FGF2: variants seen among roughly 807,000 people sequenced by gnomAD.
FGF2 encodes fibroblast growth factor 2, also known as basic fibroblast growth factor bFGF.
Under a neutral mutation model 15.9 loss-of-function variants are expected in FGF2, and 13 were observed. The ratio of observed to expected loss-of-function variants is 0.82; its 90% CI spans 0.53 to 1.30. The LOEUF is 1.30. Ranked by LOEUF, FGF2 falls within the 50% of genes most tolerant of loss-of-function variation. The probability of loss-of-function intolerance (pLI) is 0.00; values close to 1 mark genes in which losing one functional copy is unlikely to be tolerated. For missense variants in FGF2, 163 were observed against 196.9 expected, an observed-to-expected ratio of 0.83 and a Z score of 1.03; for synonymous variants, 90 against 78.4, an observed-to-expected ratio of 1.15 and a Z score of -0.78.
intron 1 of FGF2, among the ~76,000 whole-genome samples, chr4:122,872,808 T>C (rs1279258025): frequency 6.6e-6 from 1 of 152,104 alleles, no homozygotes; most frequent in Non-Finnish European, 1.5e-5. Context: ...TAAAATCCTT[T>C]CCAGACAAGC....
chr4:122,888,804 G>T (rs80252333), intron 2 of FGF2: 1 of 151,954 alleles, frequency 6.6e-6, no homozygotes, highest in Admixed American at 6.6e-5. Context: ...CCCTGTTCAG[G>T]TTTACATTTT....
intron 2 of FGF2, among the ~76,000 whole-genome samples, chr4:122,891,716 T>TAACA (rs1727194032): frequency 6.9e-6 from 1 of 144,548 alleles, no homozygotes; most frequent in African/African-American, 2.5e-5. Context: ...AGTAAAGTAT[T>TAACA]AACAAACCTC....
intron 1 of FGF2, among the ~76,000 whole-genome samples, chr4:122,871,173 C>T (rs45534739): frequency 0.015 from 2,173 of 149,854 alleles, 55 homozygotes; most frequent in African/African-American, 0.05. Flanking sequence ...TTTGATTGCA[C>T]TGTGTTTTGA....
chr4:122,864,550 A>G (rs1726532922), intron 1 of FGF2, among the ~76,000 whole-genome samples: 1 of 152,200 alleles, frequency 6.6e-6, no homozygotes, highest in Non-Finnish European at 1.5e-5. Context: ...CAGTTGGTTT[A>G]TTCTCCATCA....
At chr4:122,883,191 A>T (rs905178113) in intron 2 of FGF2, 3 of 152,164 alleles carry the variant, frequency 2.0e-5, no homozygotes, top group Non-Finnish European at 4.4e-5. Flanking sequence ...TTACTCTGTG[A>T]TTCCTGCAGT....
intron 2 of FGF2, among the ~76,000 whole-genome samples, chr4:122,880,245 C>CT (rs569559456): frequency 0.1 from 13,355 of 128,658 alleles, 1,478 homozygotes; most frequent in African/African-American, 0.25. Flanking sequence ...GCAGTCAAAT[C>CT]TTTTTTTTTT....
chr4:122,844,963 C>T (rs1167040635), intron 1 of FGF2, among the ~76,000 whole-genome samples: 1 of 152,150 alleles, frequency 6.6e-6, no homozygotes, highest in Admixed American at 6.5e-5. Flanking sequence ...TTTACTTTAC[C>T]CAGATCCATT....
chr4:122,837,437 C>T (rs1725888485), intron 1 of FGF2, among the ~76,000 whole-genome samples: 1 of 152,182 alleles, frequency 6.6e-6, no homozygotes, highest in South Asian at 2.1e-4. Flanking sequence ...ACTTGATAAA[C>T]ACTTTGCTTT....
intron 1 of FGF2, among the ~76,000 whole-genome samples, chr4:122,843,009 G>A (rs1726025174): frequency 6.6e-6 from 1 of 152,084 alleles, no homozygotes; most frequent in Admixed American, 6.5e-5. Context: ...ATTATACAGA[G>A]CATTGGGTGC....
intron 1 of FGF2, among the ~76,000 whole-genome samples, chr4:122,859,777 C>A (rs1418309853): frequency 1.3e-5 from 2 of 152,180 alleles, no homozygotes; most frequent in African/African-American, 2.4e-5. Flanking sequence ...CTCCAAAATT[C>A]ATGCATTTGA....
chr4:122,830,867 A>G (rs1725751648), intron 1 of FGF2, among the ~76,000 whole-genome samples: 1 of 147,826 alleles, frequency 6.8e-6, no homozygotes, highest in Non-Finnish European at 1.5e-5. Context: ...TACTGTATCT[A>G]CCCTTGGGCT....
At chr4:122,846,159 AC>A (rs1411995148) in intron 1 of FGF2, among the ~76,000 whole-genome samples, 7 of 152,162 alleles carry the variant, frequency 4.6e-5, no homozygotes, top group Non-Finnish European at 1.0e-4. Context: ...CAGAACACAC[AC>A]GTTTATTAAG....
At chr4:122,838,021 T>C (rs573816030) in intron 1 of FGF2, among the ~76,000 whole-genome samples, 4 of 152,322 alleles carry the variant, frequency 2.6e-5, no homozygotes, top group East Asian at 1.9e-4. Context: ...GGGAGTATAA[T>C]TGAAGTGAGA....
intron 1 of FGF2, among the ~76,000 whole-genome samples, chr4:122,844,935 C>T (rs1726079939): frequency 6.6e-6 from 1 of 152,208 alleles, no homozygotes; most frequent in Non-Finnish European, 1.5e-5. Flanking sequence ...CCATGCCCAG[C>T]CTCCAGAAGG....
chr4:122,827,074 G>T lies in FGF2; in HGVS notation c.-101G>T. On this transcript the variant is annotated 5_prime_UTR_variant, in exon 1 of 3. Coordinates refer to ENST00000644866, the MANE Select transcript of FGF2 (RefSeq NM_001361665.2). The surrounding 1 kb of genome is among the most constrained non-coding windows in gnomAD (Gnocchi z 4.2). ...AGGCTGGGGGGCCGGGGCCGGGGCCGTGCCCCGGAGCGGGTCGGAGGCCGG... is the reference window on the plus strand; with the variant it reads ...AGGCTGGGGGGCCGGGGCCGGGGCCTTGCCCCGGAGCGGGTCGGAGGCCGG... 8.9e-7 allele frequency: 1 copy of T among 1,126,634 alleles called. No homozygotes were observed. Among genetic ancestry groups the T allele is most frequent in the Non-Finnish European group, 1.1e-6 (1 of 921,452 alleles). The allele number at this position is 1,126,634 out of a possible 1,614,324, so 69.8% of individuals were successfully genotyped here.
chr4:122,855,234 C>T (rs1387516902), intron 1 of FGF2, among the ~76,000 whole-genome samples: 1 of 152,044 alleles, frequency 6.6e-6, no homozygotes, highest in Non-Finnish European at 1.5e-5. Flanking sequence ...AGAAGCATTT[C>T]GAAAAGGAAG....
At chr4:122,852,727 C>T (rs191363584) in intron 1 of FGF2, among the ~76,000 whole-genome samples, 1 of 152,304 alleles carries the variant, frequency 6.6e-6, no homozygotes. Context: ...TTCCACTGCT[C>T]ATTTTTTACC....
intron 1 of FGF2, chr4:122,840,278 T>C (rs1467470602): frequency 1.3e-5 from 2 of 152,192 alleles, no homozygotes; most frequent in African/African-American, 4.8e-5. Flanking sequence ...GGACATTGTT[T>C]TTTCCTGAAG....
In FGF2 at chr4:122,848,742, C is replaced by T. The variant is rs1376686596; in HGVS notation, c.178+21390C>T. On this transcript the variant is annotated intron_variant, in intron 1 of 2. Coordinates refer to ENST00000644866, the MANE Select transcript of FGF2 (RefSeq NM_001361665.2). ...CTGCTGCTTCTGTCAGAGCATTATTCCCCTTTCATGTGGAAGAAAACTGCC... is the reference window on the plus strand; with the variant it reads ...CTGCTGCTTCTGTCAGAGCATTATTTCCCTTTCATGTGGAAGAAAACTGCC... 2.6e-5 allele frequency among the ~76,000 whole-genome samples: 4 copies of T among 152,152 alleles called. No homozygotes were observed. The East Asian group carries it at 7.7e-4, about 29-fold the overall frequency.
Sources: gnomAD v4.1 joint callset for allele counts (sites outside exome capture counted in the v4.1 genomes callset) on GRCh38, gnomAD v4.1.1 for gene constraint, Gnocchi (gnomAD v3.1) non-coding constraint, MANE v1.5 for transcripts, NCBI Gene and HGNC (gene_info 2026-07-23, HGNC 2026-07-21) for gene names.